Variants in B4GALT2 observed in about 807,000 individuals in gnomAD.
The protein encoded by B4GALT2 is beta-1,4-galactosyltransferase 2.
Under a neutral mutation model 33.2 loss-of-function variants are expected in B4GALT2, and 18 were observed. The ratio of observed to expected loss-of-function variants is 0.54; its 90% CI spans 0.38 to 0.80. The LOEUF is 0.80. B4GALT2 is among the 30% of genes least tolerant of loss of function. B4GALT2 has a pLI of 0.00. For synonymous variants in B4GALT2, 214 were observed against 217.6 expected (o/e 0.98, Z 0.15); for missense variants, 404 against 526.2 (o/e 0.77, Z 2.27).
At position 43,990,434 on chromosome 1, in the gene B4GALT2, C is replaced by G. The variant is rs376592357; in HGVS notation, c.1105C>G (p.Pro369Ala). 3 of 1,613,940 alleles carry G rather than the reference C, an allele frequency of 1.9e-6. No homozygotes were observed. The African/African-American group carries it at 4.0e-5, about 22-fold the overall frequency. The change falls in exon 7 of 7, where the codon CCC becomes GCC. Residue 369 changes from proline (P) to alanine (A), a missense_variant. Transcript: ENST00000372324. ...TVDIGRPPSW[P>A]PRG ...GGACATTGGGCGGCCTCCGTCGTGG[C>G]CCCCTCGGGGCTGACACTAATGGAC...
chr1:43,988,165 T>C (rs527448797), intron 6 of B4GALT2, among the ~76,000 whole-genome samples: 5 of 152,254 alleles, frequency 3.3e-5, no homozygotes, highest in African/African-American at 1.2e-4. Context: ...GTAAAAATGA[T>C]GCATCTGATT....
chr1:43,990,669 A>G lies in B4GALT2; in HGVS notation c.*221A>G. 1.7e-6 allele frequency: 1 copy of G among 604,592 alleles called. No individual in the cohort carries two copies. The highest frequency in any genetic ancestry group is 4.6e-4 in the Middle Eastern group (1 of 2,172). The allele number at this position is 604,592 out of a possible 1,614,324, so 37.5% of individuals were successfully genotyped here. A position where few individuals can be genotyped will look rare whatever the true frequency, so the allele number is the denominator to read the frequency against. ...TCAAGTGTGGCCCTCTTTGGAGTCA[A>G]CCCTCCTTCCCGACCCCCTCCCCCT... On this transcript the variant is annotated 3_prime_UTR_variant, in exon 7 of 7. Coordinates refer to ENST00000372324, the MANE Select transcript of B4GALT2 (RefSeq NM_003780.5).
chr1:43,985,222 C>A, intron 4 of B4GALT2, 56 bp from the exon 5 acceptor site: 1 of 1,578,748 alleles, frequency 6.3e-7, no homozygotes, highest in South Asian at 1.2e-5. Context: ...GGTCTCTGGT[C>A]CTTCCCCTGG....
In B4GALT2 at chr1:43,981,779, C is replaced by T; in HGVS notation, c.404C>T (p.Thr135Ile). 1.9e-6 allele frequency: 3 copies of T among 1,613,676 alleles called. No individual in the cohort carries two copies. Among genetic ancestry groups the T allele is most frequent in the Non-Finnish European group, 2.5e-6 (3 of 1,180,016 alleles). ...GGCGTGCTCATGGGCGGCCGATACA[C>T]ACCGCCCGACTGCACCCCAGCCCAG... Reference protein sequence around the residue: ...NPGVLMGGRYTPPDCTPAQTV... With the variant: ...NPGVLMGGRYIPPDCTPAQTV... The change falls in exon 3 of 7, where the codon ACA (threonine) becomes ATA (isoleucine). Residue 135 changes from threonine to isoleucine, a missense_variant. Thr to Ile is a moderately conservative substitution (Grantham distance 89). Coordinates refer to ENST00000372324, the MANE Select transcript of B4GALT2 (RefSeq NM_003780.5). This position sits in a 1 kb window ranked among gnomAD's most constrained non-coding sequence, Gnocchi z 8.1.
In B4GALT2 at chr1:43,985,288, G is replaced by C; in HGVS notation, c.751G>C (p.Ala251Pro). Residue 251 changes from alanine to proline, a missense_variant, in exon 5 of 7, where the codon GCT (alanine) becomes CCT (proline). Physicochemically the swap from Ala to Pro is conservative, Grantham distance 27 (BLOSUM62 -1). Transcript: ENST00000372324. ...CTTCCCATGCCACAGGCTTCCCTATGCTGGCTACTTTGGAGGTGTGTCAGG... is the reference window on the plus strand; with the variant it reads ...CTTCCCATGCCACAGGCTTCCCTATCCTGGCTACTTTGGAGGTGTGTCAGG... Reference protein sequence around the residue: ...MDKFGFRLPYAGYFGGVSGLS... With the variant: ...MDKFGFRLPYPGYFGGVSGLS... 6.2e-7 allele frequency: 1 copy of C among 1,612,584 alleles called. No homozygotes were observed. The highest frequency in any genetic ancestry group is 1.1e-5 in the South Asian group (1 of 90,828).
At chr1:43,980,327 G>C (rs2085580598) in intron 1 of B4GALT2, 1 of 370,518 alleles carries the variant, frequency 2.7e-6, no homozygotes, top group African/African-American at 2.1e-5. Context: ...AACCAGCTGT[G>C]CTGGGCAGGA....
Position 43,990,566 on chromosome 1 carries a change from G to A in B4GALT2, c.*118G>A. The A allele has an allele frequency of 1.4e-6, 2 of 1,419,650 alleles. No individual in the cohort carries two copies. Among genetic ancestry groups the A allele is most frequent in the Non-Finnish European group, 9.6e-7 (1 of 1,036,498 alleles). The allele number at this position is 1,419,650 out of a possible 1,614,324, so 87.9% of individuals were successfully genotyped here. On this transcript the variant is annotated 3_prime_UTR_variant, in exon 7 of 7. Transcript: ENST00000372324. ...ACTGAGACTGGGCTCTGTTTTCCAA[G>A]GGTCTTCACTAGGCCCCCTAGCTAC... is the stretch of plus-strand genomic sequence containing the variant.
chr1:43,989,171 A>T (rs1033506516), intron 6 of B4GALT2, among the ~76,000 whole-genome samples: 1 of 152,028 alleles, frequency 6.6e-6, no homozygotes, highest in African/African-American at 2.4e-5. Context: ...ACATGGTGAA[A>T]CCCCATCTCT....
At chr1:43,980,650 C>G (rs967232004) in intron 1 of B4GALT2, 7 of 948,918 alleles carry the variant, frequency 7.4e-6, no homozygotes, top group Non-Finnish European at 8.9e-6. Flanking sequence ...CCCTCTTCCC[C>G]AAGCCATGAG....
chr1:43,981,290 C>G lies in B4GALT2; in HGVS notation c.130C>G (p.Arg44Gly), dbSNP rs769533543. 1.2e-6 allele frequency: 2 copies of G among 1,605,584 alleles called. No homozygotes were observed. Among genetic ancestry groups the G allele is most frequent in the Non-Finnish European group, 1.7e-6 (2 of 1,179,902 alleles). The change falls in exon 2 of 7, where the codon CGC (arginine) becomes GGC (glycine). Residue 44 changes from arginine to glycine, a missense_variant. By Grantham distance (125) the Arg-to-Gly change is moderately radical (BLOSUM62 -2). Transcript: ENST00000372324. This position sits in a 1 kb window ranked among gnomAD's most constrained non-coding sequence, Gnocchi z 8.1. ...VYAQHLAFFSRFSARGPAHAL... is the reference protein window; with the variant it reads ...VYAQHLAFFSGFSARGPAHAL... ...CGCCCAGCACCTGGCCTTCTTCAGC[C>G]GCTTCAGTGCCCGAGGCCCTGCCCA...
intron 6 of B4GALT2, among the ~76,000 whole-genome samples, chr1:43,987,968 GT>G (rs2154303401): frequency 6.6e-6 from 1 of 152,216 alleles, no homozygotes; most frequent in South Asian, 2.1e-4. Context: ...GCACTCCGAT[GT>G]TTTCTCTGTT....
Position 43,990,429 on chromosome 1 carries a change from C to A in B4GALT2, c.1100C>A (p.Ser367Ter). 6.2e-7 allele frequency: 1 copy of A among 1,614,098 alleles called. No homozygotes were observed. The highest frequency in any genetic ancestry group is 8.5e-7 in the Non-Finnish European group (1 of 1,180,010). ...ACAGTGGACATTGGGCGGCCTCCGT[C>A]GTGGCCCCCTCGGGGCTGACACTAA... Reference protein sequence around the residue: ...NITVDIGRPPSWPPRG With the variant: ...NITVDIGRPP The change falls in exon 7 of 7, where the codon TCG becomes TAG. Residue 367 changes from serine to a stop codon, truncating the protein, a stop_gained. Coordinates refer to ENST00000372324, the MANE Select transcript of B4GALT2 (RefSeq NM_003780.5). LOFTEE classifies it high-confidence loss of function.
Position 43,979,477 on chromosome 1 carries a change from C to A in B4GALT2, c.-87C>A. On this transcript the variant is annotated 5_prime_UTR_variant, in exon 1 of 7. Transcript: ENST00000372324. This position sits in a 1 kb window ranked among gnomAD's most constrained non-coding sequence, Gnocchi z 4.8. ...CCGGAGCCGGGAGCCCTGCCCAAGT[C>A]GGAGCGGCGTCCCCTGCTGAGCCCC... The A allele has an allele frequency of 1.3e-5, 2 of 152,014 alleles. No individual in the cohort carries two copies. The highest frequency in any genetic ancestry group is 3.8e-4 in the South Asian group (2 of 5,260). 9.4% of individuals were successfully genotyped at this position (152,014 alleles called of 1,614,324 possible). A position where few individuals can be genotyped will look rare whatever the true frequency, so the allele number is the denominator to read the frequency against.
chr1:43,985,664 C>A (rs753746890), intron 6 of B4GALT2, 43 bp downstream of exon 6: 2 of 1,573,770 alleles, frequency 1.3e-6, no homozygotes, highest in South Asian at 2.2e-5. Context: ...GAGGCAACTT[C>A]CCAATATCCC....
chr1:43,982,028 G>A lies in B4GALT2; in HGVS notation c.549+104G>A, dbSNP rs565399099. 5.6e-5 allele frequency: 66 copies of A among 1,173,132 alleles called. No individual in the cohort carries two copies. In the South Asian group the frequency reaches 8.9e-4, roughly 16 times the overall value. 72.7% of individuals were successfully genotyped at this position (1,173,132 alleles called of 1,614,324 possible). On this transcript the variant is annotated intron_variant, in intron 3 of 6. Coordinates refer to ENST00000372324, the MANE Select transcript of B4GALT2 (RefSeq NM_003780.5). The surrounding 1 kb of genome is among the most constrained non-coding windows in gnomAD (Gnocchi z 4.3). ...TGGATATGTGGATGGACCTGGGCGT[G>A]GGTAGTCGGTGTTTGTCAGTGTGCA...
In B4GALT2 at chr1:43,979,844, G is replaced by T. The variant is rs2085574333; in HGVS notation, c.-53+333G>T. 4 of 622,814 alleles carry T rather than the reference G, an allele frequency of 6.4e-6. No individual in the cohort carries two copies. Among genetic ancestry groups the T allele is most frequent in the Non-Finnish European group, 8.2e-6 (3 of 367,822 alleles). 38.6% of individuals were successfully genotyped at this position (622,814 alleles called of 1,614,324 possible). A position where few individuals can be genotyped will look rare whatever the true frequency, so the allele number is the denominator to read the frequency against. Reference sequence around the variant, plus strand: ...CTGCCCCCAGGCTCCACACCCACCCGGTCTGTGCGGCCTGCCCGTCCGCGG... The same window carrying T: ...CTGCCCCCAGGCTCCACACCCACCCTGTCTGTGCGGCCTGCCCGTCCGCGG... On this transcript the variant is annotated intron_variant, in intron 1 of 6. Coordinates refer to ENST00000372324, the MANE Select transcript of B4GALT2 (RefSeq NM_003780.5). This position sits in a 1 kb window ranked among gnomAD's most constrained non-coding sequence, Gnocchi z 4.8.
chr1:43,984,857 CT>C lies in B4GALT2; in HGVS notation c.550-7del. On this transcript the variant is annotated splice_polypyrimidine_tract_variant and splice_region_variant and intron_variant, in intron 3 of 6. Coordinates refer to ENST00000372324, the MANE Select transcript of B4GALT2 (RefSeq NM_003780.5). The surrounding 1 kb of genome is among the most constrained non-coding windows in gnomAD (Gnocchi z 5.6). ...GCCCAGGGTTGACCTGCTCCTCCCCCTACCCAGCATGGTGAGGACACCTTCA... is the reference window on the plus strand; with the variant it reads ...GCCCAGGGTTGACCTGCTCCTCCCCCACCCAGCATGGTGAGGACACCTTCA... 1 of 1,612,390 alleles carries C rather than the reference CT, an allele frequency of 6.2e-7. No individual in the cohort carries two copies. Among genetic ancestry groups the C allele is most frequent in the Non-Finnish European group, 8.5e-7 (1 of 1,178,988 alleles).
chr1:43,985,495 G>A, intron 5 of B4GALT2, 22 bp from the exon 6 acceptor site: 18 of 1,608,384 alleles, frequency 1.1e-5, no homozygotes, highest in Non-Finnish European at 1.5e-5. Context: ...GCCTGTTCCA[G>A]TCTGTCCGTC....
rs2085700620 is a variant in B4GALT2, at chr1:43,989,615, G to A, written c.969-683G>A. ...CCATCCATGTTCACCTTGGGGTGGA[G>A]ACTTAATATTTAAATATATCGCAGT... On this transcript the variant is annotated intron_variant, in intron 6 of 6. Transcript: ENST00000372324. Among the ~76,000 whole-genome samples, 3 of 152,180 alleles carry A rather than the reference G, an allele frequency of 2.0e-5. No homozygotes were observed. In the South Asian group the frequency reaches 6.2e-4, roughly 32 times the overall value.
Sources: gnomAD v4.1 joint callset for allele counts (sites outside exome capture counted in the v4.1 genomes callset) on GRCh38, gnomAD v4.1.1 for gene constraint, Gnocchi (gnomAD v3.1) non-coding constraint, MANE v1.5 for transcripts, NCBI Gene and HGNC (gene_info 2026-07-23, HGNC 2026-07-21) for gene names.